CADPS: variants seen among roughly 807,000 people sequenced by gnomAD.
CADPS encodes the protein calcium-dependent secretion activator 1.
Under a neutral mutation model 167.3 loss-of-function variants are expected in CADPS, and 57 were observed. That is an observed-to-expected ratio of 0.34 (90% CI 0.28 to 0.42). CADPS has a LOEUF of 0.42. Ranked by LOEUF, CADPS falls within the 20% of genes least tolerant of loss-of-function variation. The pLI is 1.00. For synonymous variants in CADPS, 676 were observed against 635.3 expected (o/e 1.06, Z -0.96); for missense variants, 1,414 against 1,738.1 (o/e 0.81, Z 3.32).
intron 1 of CADPS, among the ~76,000 whole-genome samples, chr3:62,778,465 A>C (rs1200477690): frequency 6.6e-6 from 1 of 152,160 alleles, no homozygotes; most frequent in Admixed American, 6.5e-5. Context: ...TTGTCTATTA[A>C]AATGCTACTT....
intron 17 of CADPS, among the ~76,000 whole-genome samples, chr3:62,510,225 T>TCTATCTATCTATCTATCTGC (rs1259147790): frequency 1.3e-5 from 2 of 151,240 alleles, no homozygotes; most frequent in African/African-American, 4.9e-5. Context: ...TATCTATCTA[T>TCTATCTATCTATCTATCTGC]CTGCCTGCCT....
chr3:62,713,821 G>C (rs1251075609), intron 3 of CADPS, among the ~76,000 whole-genome samples: 2 of 152,092 alleles, frequency 1.3e-5, no homozygotes, highest in Non-Finnish European at 2.9e-5. Context: ...CACTCTCCAG[G>C]GACTTGGAAT....
chr3:62,853,346 C>A (rs2079000815), intron 1 of CADPS, among the ~76,000 whole-genome samples: 1 of 152,008 alleles, frequency 6.6e-6, no homozygotes, highest in African/African-American at 2.4e-5. Context: ...CATCTAGGGC[C>A]AGGTGTGGTG....
chr3:62,578,385 C>G (rs1261844204), intron 8 of CADPS, among the ~76,000 whole-genome samples: 1 of 151,534 alleles, frequency 6.6e-6, no homozygotes, highest in Non-Finnish European at 1.5e-5. Flanking sequence ...CTGAGGCAGG[C>G]AGATCATGAG....
At chr3:62,724,962 C>T (rs977068920) in intron 3 of CADPS, among the ~76,000 whole-genome samples, 2 of 152,190 alleles carry the variant, frequency 1.3e-5, no homozygotes, top group Non-Finnish European at 2.9e-5. Flanking sequence ...GAACCCCAGG[C>T]ATGTCTGACT....
At chr3:62,854,167 T>A (rs1486084516) in intron 1 of CADPS, among the ~76,000 whole-genome samples, 2 of 152,176 alleles carry the variant, frequency 1.3e-5, no homozygotes, top group Non-Finnish European at 2.9e-5. Context: ...TTGCTTGCCA[T>A]CAACTCCAAC....
At chr3:62,592,545 T>C in intron 7 of CADPS, 92 bp downstream of exon 7, 1 of 919,424 alleles carries the variant, frequency 1.1e-6, no homozygotes, top group Non-Finnish European at 1.8e-6. Flanking sequence ...CTCTCAGCAC[T>C]TGGCAATGCT....
chr3:62,611,076 A>G (rs2061438059), intron 6 of CADPS, among the ~76,000 whole-genome samples: 1 of 152,136 alleles, frequency 6.6e-6, no homozygotes, highest in Non-Finnish European at 1.5e-5. Flanking sequence ...CCAAAATGTC[A>G]GTAGCACTGA....
intron 13 of CADPS, among the ~76,000 whole-genome samples, chr3:62,522,604 C>T (rs1490748553): frequency 1.3e-5 from 2 of 152,134 alleles, no homozygotes; most frequent in South Asian, 2.1e-4. Context: ...GCTTAGATTA[C>T]CCAGAGTTAG....
At chr3:62,844,093 A>G (rs77379071) in intron 1 of CADPS, among the ~76,000 whole-genome samples, 7,716 of 152,280 alleles carry the variant, frequency 0.051, 289 homozygotes, top group Middle Eastern at 0.082. Context: ...ATGCTGTTTA[A>G]AAATGGTCTT....
At chr3:62,588,333 C>T (rs1274026526) in intron 7 of CADPS, among the ~76,000 whole-genome samples, 2 of 150,132 alleles carry the variant, frequency 1.3e-5, no homozygotes, top group Non-Finnish European at 3.0e-5. Context: ...ACACTTCCCA[C>T]ATTGCACTAT....
intron 26 of CADPS, among the ~76,000 whole-genome samples, chr3:62,452,835 T>A (rs561837423): frequency 1.3e-5 from 2 of 152,288 alleles, no homozygotes; most frequent in East Asian, 3.9e-4. Flanking sequence ...CAACAAAGGC[T>A]GGGTGCAGTG....
Position 62,438,181 on chromosome 3 carries a change from C to A in CADPS, c.3700G>T (p.Val1234Leu). 6.2e-7 allele frequency: 1 copy of A among 1,613,686 alleles called. No individual in the cohort carries two copies. The highest frequency in any genetic ancestry group is 1.1e-5 in the South Asian group (1 of 91,054). Residue 1234 changes from valine (V) to leucine (L), a missense_variant, in exon 28 of 30, where the codon GTG (valine) becomes TTG (leucine). Transcript: ENST00000383710. The surrounding 1 kb of genome is among the most constrained non-coding windows in gnomAD (Gnocchi z 4.7). ...KPGMDVADAYVTFVRHSQDVL... is the reference protein window; with the variant it reads ...KPGMDVADAYLTFVRHSQDVL... ...TCCTGAGAATGGCGGACGAAAGTCA[C>A]GTAGGCGTCGGCCACGTCCATCCCG...
At chr3:62,781,148 C>T (rs559323518) in intron 1 of CADPS, among the ~76,000 whole-genome samples, 10 of 152,256 alleles carry the variant, frequency 6.6e-5, no homozygotes, top group South Asian at 4.1e-4. Flanking sequence ...TAAGAGGACA[C>T]GTACTGCTAT....
intron 3 of CADPS, among the ~76,000 whole-genome samples, chr3:62,685,625 C>T (rs902440261): frequency 3.5e-5 from 5 of 141,716 alleles, no homozygotes; most frequent in African/African-American, 1.1e-4. Flanking sequence ...TTTATAGCAG[C>T]GGTCCCCAAC....
At chr3:62,588,283 A>G (rs1578300600) in intron 7 of CADPS, among the ~76,000 whole-genome samples, 1 of 141,458 alleles carries the variant, frequency 7.1e-6, no homozygotes, top group Admixed American at 7.5e-5. Flanking sequence ...TAGGTGCTTC[A>G]TTTCCAGGTC....
At chr3:62,793,171 C>T (rs1466840906) in intron 1 of CADPS, among the ~76,000 whole-genome samples, 1 of 152,176 alleles carries the variant, frequency 6.6e-6, no homozygotes, top group Non-Finnish European at 1.5e-5. Context: ...AGACCAAATG[C>T]TGCAAGAACT....
chr3:62,698,306 G>A (rs35570958), intron 3 of CADPS, among the ~76,000 whole-genome samples: 12,082 of 152,114 alleles, frequency 0.079, 636 homozygotes, highest in Non-Finnish European at 0.12. Context: ...GTTACTACAT[G>A]AGGCATCCAG....
intron 19 of CADPS, among the ~76,000 whole-genome samples, chr3:62,493,356 G>C (rs576956382): frequency 1.1e-4 from 17 of 152,198 alleles, no homozygotes; most frequent in African/African-American, 3.4e-4. Context: ...ATTTCAAAGA[G>C]AGCAGAAAAA....
Sources: allele counts gnomAD v4.1 joint callset (sites outside exome capture counted in the v4.1 genomes callset), GRCh38; gene constraint gnomAD v4.1.1; non-coding constraint Gnocchi (gnomAD v3.1); transcripts MANE v1.5; gene names NCBI Gene and HGNC (gene_info 2026-07-23, HGNC 2026-07-21).